Variants in IFT74 observed in about 807,000 individuals in gnomAD.
IFT74 encodes intraflagellar transport protein 74 homolog.
In IFT74, 92 loss-of-function variants were observed where a neutral mutation model predicts 96.7. That is an observed-to-expected ratio of 0.95 (90% CI 0.80 to 1.13). The LOEUF is 1.13. Among genes scored for constraint, IFT74 ranks in the 50% most tolerant of loss-of-function variants. The pLI is 0.00. For synonymous variants in IFT74, 223 were observed against 213.2 expected (o/e 1.05, Z -0.40); for missense variants, 811 against 698.2 (o/e 1.16, Z -1.82).
chr9:26,951,755 C>T (rs921571046), upstream of IFT74, among the ~76,000 whole-genome samples: 2 of 151,992 alleles, frequency 1.3e-5, no homozygotes, highest in Non-Finnish European at 1.5e-5. Flanking sequence ...AAAAATTAGC[C>T]GGGTGTGGTG....
intron 8 of IFT74, among the ~76,000 whole-genome samples, chr9:27,004,370 A>G (rs769359284): frequency 1.3e-5 from 2 of 152,230 alleles, no homozygotes; most frequent in Non-Finnish European, 2.9e-5. Flanking sequence ...CATTCAACAA[A>G]TCTAAAGCAT....
At chr9:26,951,862 C>A (rs1370150497), upstream of IFT74, among the ~76,000 whole-genome samples, 1 of 152,176 alleles carries the variant, frequency 6.6e-6, no homozygotes, top group Non-Finnish European at 1.5e-5. Flanking sequence ...AGCTCCACTC[C>A]ACTCCAGCCT....
chr9:27,031,017 C>T (rs1471954549), intron 13 of IFT74, among the ~76,000 whole-genome samples: 1 of 152,062 alleles, frequency 6.6e-6, no homozygotes, highest in Non-Finnish European at 1.5e-5. Context: ...ATGAATCTTG[C>T]TGTGTTGGCC....
chr9:27,010,437 C>T lies in IFT74; in HGVS notation c.726+1279C>T, dbSNP rs576358364. 6.6e-5 allele frequency among the ~76,000 whole-genome samples: 10 copies of T among 151,922 alleles called. No homozygotes were observed. In the South Asian group the frequency reaches 2.1e-3, roughly 32 times the overall value. On this transcript the variant is annotated intron_variant, in intron 9 of 19. Coordinates refer to ENST00000380062, the MANE Select transcript of IFT74 (RefSeq NM_025103.4). ...CCACCCCATGCCCCCAACTGGGCAC[C>T]ACCTTCTCAGCCTCTGGTAACCATC... is the stretch of plus-strand genomic sequence containing the variant.
At chr9:27,031,459 T>C (rs1830119480) in intron 13 of IFT74, among the ~76,000 whole-genome samples, 1 of 151,224 alleles carries the variant, frequency 6.6e-6, no homozygotes, top group African/African-American at 2.4e-5. Context: ...AGAGCGAGAC[T>C]CCGTCTTAAA....
At chr9:26,973,707 TG>T (rs1201384578) in intron 2 of IFT74, among the ~76,000 whole-genome samples, 3 of 152,354 alleles carry the variant, frequency 2.0e-5, no homozygotes, top group Non-Finnish European at 2.9e-5. Flanking sequence ...CCAAGATTTT[TG>T]CCTTAAATCC....
chr9:27,021,479 A>G (rs766936749), intron 12 of IFT74, among the ~76,000 whole-genome samples: 3 of 152,194 alleles, frequency 2.0e-5, no homozygotes, highest in African/African-American at 4.8e-5. Context: ...TTTTCACCAC[A>G]TCCACACCAA....
At chr9:27,015,663 C>G (rs1829303865) in intron 10 of IFT74, among the ~76,000 whole-genome samples, 1 of 152,034 alleles carries the variant, frequency 6.6e-6, no homozygotes, top group African/African-American at 2.4e-5. Flanking sequence ...TGAGGTCTTC[C>G]CTTCTAAGAA....
At chr9:27,028,758 GAA>G (rs536025708) in intron 12 of IFT74, 220 of 179,662 alleles carry the variant, frequency 1.2e-3, no homozygotes, top group South Asian at 2.6e-3. Context: ...CCGTCTCAAA[GAA>G]AAAAAAAAAA....
At chr9:26,988,862 A>G (rs1350286340) in intron 7 of IFT74, 134 bp downstream of exon 7, 1 of 815,980 alleles carries the variant, frequency 1.2e-6, no homozygotes, top group Non-Finnish European at 1.7e-6. Flanking sequence ...AAATACCACT[A>G]TTAGGTATTC....
At chr9:26,974,814 C>G (rs774428497) in intron 2 of IFT74, among the ~76,000 whole-genome samples, 1 of 152,146 alleles carries the variant, frequency 6.6e-6, no homozygotes, top group Non-Finnish European at 1.5e-5. Context: ...AAGGGTCATC[C>G]AACAGGAGCT....
rs746591855 is a variant in IFT74 at position 26,984,270 on chromosome 9, G to C, written c.319G>C (p.Glu107Gln). The part of the protein sequence containing the change: ...YLGLLRSKIS[E>Q]LTTEVNKLQK... The stretch of plus-strand genomic sequence containing the variant: ...CTTTTCTAATAGAAGTAAAATAAGT[G>C]AACTTACAACTGAAGTTAATAAACT... The change falls in exon 5 of 20, where the codon GAA becomes CAA. Residue 107 changes from glutamate (E) to glutamine (Q), a missense_variant. Transcript: ENST00000380062. The C allele has an allele frequency of 6.4e-7, 1 of 1,563,750 alleles. No homozygotes were observed. The highest frequency in any genetic ancestry group is 8.7e-7 in the Non-Finnish European group (1 of 1,154,240).
intron 8 of IFT74, among the ~76,000 whole-genome samples, chr9:27,006,957 C>T (rs1197330644): frequency 6.6e-6 from 1 of 150,880 alleles, no homozygotes; most frequent in Non-Finnish European, 1.5e-5. Context: ...CTGCCTCAGC[C>T]TCCCAAGTAG....
intron 8 of IFT74, among the ~76,000 whole-genome samples, chr9:27,005,352 T>C (rs796536833): frequency 1.9e-3 from 36 of 18,942 alleles, no homozygotes; most frequent in East Asian, 4.8e-3. Flanking sequence ...TGAAACCATT[T>C]CCCCCCCCGC....
At chr9:27,003,060 G>C (rs947912062) in intron 8 of IFT74, among the ~76,000 whole-genome samples, 1 of 152,032 alleles carries the variant, frequency 6.6e-6, no homozygotes, top group Non-Finnish European at 1.5e-5. Context: ...TCGTAAACAG[G>C]CTTGCTTTCT....
intron 2 of IFT74, chr9:26,976,526 A>G (rs1298973665): frequency 1.6e-5 from 5 of 314,364 alleles, no homozygotes; most frequent in South Asian, 2.8e-5. Flanking sequence ...ACTTTCTTAG[A>G]TAAGGTGGGC....
At chr9:27,045,097 G>A (rs1411882691) in intron 14 of IFT74, among the ~76,000 whole-genome samples, 4 of 152,288 alleles carry the variant, frequency 2.6e-5, no homozygotes, top group South Asian at 2.1e-4. Flanking sequence ...GCTGCAGACC[G>A]GTAGGAACCA....
chr9:26,952,402 G>A (rs895395303), upstream of IFT74, among the ~76,000 whole-genome samples: 47 of 151,280 alleles, frequency 3.1e-4, no homozygotes, highest in African/African-American at 4.9e-4. Context: ...TCAGCCTCCC[G>A]AGTAGCTGGG....
chr9:26,976,461 T>C (rs1827132427), intron 2 of IFT74: 1 of 193,454 alleles, frequency 5.2e-6, no homozygotes, highest in Non-Finnish European at 1.1e-5. Flanking sequence ...CCTTTCCCCA[T>C]TGGCTGGGGT....
Sources: gnomAD v4.1 joint callset for allele counts (sites outside exome capture counted in the v4.1 genomes callset) on GRCh38, gnomAD v4.1.1 for gene constraint, MANE v1.5 for transcripts, NCBI Gene and HGNC (gene_info 2026-07-23, HGNC 2026-07-21) for gene names.